COL5A3: variants seen among roughly 807,000 people sequenced by gnomAD.
COL5A3 encodes the protein collagen alpha-3(V) chain.
COL5A3 carries 172 observed loss-of-function variants against 250.0 expected under a neutral mutation model. That is an observed-to-expected ratio of 0.69 (90% CI 0.61 to 0.78). The LOEUF is 0.78. Among genes scored for constraint, COL5A3 ranks in the 30% least tolerant of loss-of-function variants. The pLI, the probability that COL5A3 is intolerant of heterozygous loss-of-function variation, is 0.00. For missense variants in COL5A3, 2,340 were observed against 2,334.4 expected (o/e 1.00, Z -0.05); for synonymous variants, 937 against 900.4 (o/e 1.04, Z -0.73).
Position 10,010,350 on chromosome 19 carries a change from G to C in COL5A3, c.36C>G (p.Ala12=), listed in dbSNP as rs1194331140. 2.7e-6 allele frequency: 4 copies of C among 1,467,508 alleles called. No homozygotes were observed. Among genetic ancestry groups the C allele is most frequent in the East Asian group, 3.0e-5 (1 of 33,764 alleles). 90.9% of individuals were successfully genotyped at this position (1,467,508 alleles called of 1,614,324 possible). Residue 12 remains alanine (A), a synonymous_variant, in exon 1 of 67, where the codon GCC becomes GCG. Transcript: ENST00000264828. ...GNRRDLGQPR[A]GLCLLLAALQ... is the part of the protein sequence containing the mutation. ...GCGCGGCCAGGAGCAGGCAGAGACCGGCCCGCGGCTGGCCCAGGTCCCGGC... is the reference window on the plus strand; with the variant it reads ...GCGCGGCCAGGAGCAGGCAGAGACCCGCCCGCGGCTGGCCCAGGTCCCGGC...
In COL5A3 at chr19:9,997,980, T is replaced by G; in HGVS notation, c.1200+4A>C. 6.2e-7 allele frequency: 1 copy of G among 1,614,020 alleles called. No individual in the cohort carries two copies. Among genetic ancestry groups the G allele is most frequent in the Non-Finnish European group, 8.5e-7 (1 of 1,179,996 alleles). On this transcript the variant is annotated splice_donor_region_variant and intron_variant, in intron 10 of 66. Coordinates refer to ENST00000264828, the MANE Select transcript of COL5A3 (RefSeq NM_015719.4). The stretch of plus-strand genomic sequence containing the variant: ...TGGAAGAAGGAAACACAGCCATGAC[T>G]TACTTGGGGTCCTGGGGCTCCTGGA...
At chr19:9,995,778 C>T (rs568144258) in intron 15 of COL5A3, among the ~76,000 whole-genome samples, 161 bp from the exon 16 acceptor site, 6 of 152,280 alleles carry the variant, frequency 3.9e-5, no homozygotes, top group African/African-American at 1.4e-4. Flanking sequence ...GTAGCTGAGA[C>T]AAGTGTGTGC....
intron 37 of COL5A3, 132 bp from the exon 38 acceptor site, chr19:9,979,549 G>A: frequency 1.1e-6 from 1 of 945,816 alleles, no homozygotes. Flanking sequence ...CAGCACTTTG[G>A]GAGGCAGAGG....
At chr19:9,996,169 G>T (rs764053530) in intron 14 of COL5A3, 37 bp downstream of exon 14, 2 of 1,554,262 alleles carry the variant, frequency 1.3e-6, no homozygotes, top group South Asian at 1.2e-5. Context: ...CTTCACTAAT[G>T]CATGCACCGC....
Position 10,006,081 on chromosome 19 carries a change from A to G in COL5A3, c.239T>C (p.Leu80Pro), listed in dbSNP as rs2145147053. The G allele has an allele frequency of 6.2e-7, 1 of 1,613,930 alleles. No individual in the cohort carries two copies. Among genetic ancestry groups the G allele is most frequent in the East Asian group, 2.2e-5 (1 of 44,864 alleles). ...CTCCTACTCCAACTCACCTGGAAAG[A>G]GTTCCCACGTGGGGATGCCGAGCGT... ...ASTLGIPTWE[L>P]FPEGHFPENF... is the part of the protein sequence containing the mutation. The change falls in exon 2 of 67, where the codon CTC (leucine) becomes CCC (proline). Residue 80 changes from leucine (L) to proline (P), a missense_variant. Leu to Pro is a moderately conservative substitution (Grantham distance 98). This residue lies in a region of COL5A3 where 1,152 missense variants were observed against 1,146.3 expected (regional missense o/e 1.00). Coordinates refer to ENST00000264828, the MANE Select transcript of COL5A3 (RefSeq NM_015719.4).
chr19:10,010,290 C>G lies in COL5A3; in HGVS notation c.88+8G>C. 7.0e-7 allele frequency: 1 copy of G among 1,434,894 alleles called. No individual in the cohort carries two copies. The highest frequency in any genetic ancestry group is 9.2e-7 in the Non-Finnish European group (1 of 1,089,170). The allele number at this position is 1,434,894 out of a possible 1,614,324, so 88.9% of individuals were successfully genotyped here. A position where few individuals can be genotyped will look rare whatever the true frequency, so the allele number is the denominator to read the frequency against. On this transcript the variant is annotated splice_region_variant and intron_variant, in intron 1 of 66. Coordinates refer to ENST00000264828, the MANE Select transcript of COL5A3 (RefSeq NM_015719.4). ...ACCCTGGGTCCCATCTCTTCCCTCC[C>G]GGCTCACCGGCCTGCGTCCCCGGCA...
At chr19:9,969,262 TAGCCTG>T in intron 57 of COL5A3, 81 bp downstream of exon 57, 3 of 1,197,612 alleles carry the variant, frequency 2.5e-6, no homozygotes, top group Non-Finnish European at 3.6e-6. Flanking sequence ...CAGTGAGGGC[TAGCCTG>T]CACCAATGCT....
intron 1 of COL5A3, among the ~76,000 whole-genome samples, chr19:10,007,991 C>T (rs550905943): frequency 6.6e-6 from 1 of 152,128 alleles, no homozygotes; most frequent in Admixed American, 6.5e-5. Flanking sequence ...CCCGCCTTCC[C>T]CAACCCATCA....
intron 20 of COL5A3, 65 bp from the exon 21 acceptor site, chr19:9,992,945 C>T (rs559357321): frequency 1.2e-5 from 19 of 1,606,986 alleles, no homozygotes; most frequent in Non-Finnish European, 1.5e-5. Context: ...TCTAGGGGTC[C>T]TATGAGTCCT....
At chr19:9,974,735 G>C (rs1448652857) in intron 45 of COL5A3, among the ~76,000 whole-genome samples, 4 of 149,088 alleles carry the variant, frequency 2.7e-5, no homozygotes, top group Non-Finnish European at 6.0e-5. Context: ...TTCAGGTCTG[G>C]GGTCAGCATT....
In COL5A3 at chr19:9,966,340, G is replaced by A; in HGVS notation, c.4756C>T (p.Leu1586Phe). Residue 1586 changes from leucine to phenylalanine, a missense_variant, in exon 64 of 67, where the codon CTC becomes TTC. Leu to Phe is a conservative substitution (Grantham distance 22). Around this residue, in one of 3 missense-constraint regions of COL5A3, gnomAD observed 1,179 missense variants for 1,162.6 expected, o/e 1.01. Coordinates refer to ENST00000264828, the MANE Select transcript of COL5A3 (RefSeq NM_015719.4). ...ATCTCAAACTTCTTGTCGGGATAGA[G>A]GCAGGTCTCTCCTCCCGCCGTGAAG... ...CNFTAGGETC[L>F]YPDKKFEIVK... The A allele has an allele frequency of 6.2e-7, 1 of 1,607,116 alleles. No individual in the cohort carries two copies. Among genetic ancestry groups the A allele is most frequent in the Non-Finnish European group, 8.5e-7 (1 of 1,176,346 alleles).
chr19:9,967,009 GGA>G (rs1406688826), intron 62 of COL5A3, among the ~76,000 whole-genome samples: 2 of 151,972 alleles, frequency 1.3e-5, no homozygotes, highest in Admixed American at 6.6e-5. Flanking sequence ...GCAGAGACAG[GGA>G]GAGAGAGCAG....
Position 10,006,159 on chromosome 19 carries a change from C to T in COL5A3, c.161G>A (p.Cys54Tyr). The T allele has an allele frequency of 6.2e-7, 1 of 1,611,542 alleles. No individual in the cohort carries two copies. The highest frequency in any genetic ancestry group is 8.5e-7 in the Non-Finnish European group (1 of 1,178,898). Residue 54 changes from cysteine to tyrosine, a missense_variant, in exon 2 of 67, where the codon TGT becomes TAT. By Grantham distance (194) the Cys-to-Tyr change is radical (BLOSUM62 -2). Transcript: ENST00000264828. Reference protein sequence around the residue: ...QAGVPEGPGFCPQRTPEGDRA... With the variant: ...QAGVPEGPGFYPQRTPEGDRA... ...GTCACCCTCTGGAGTCCTCTGGGGA[C>T]AGAAGCCAGGCCCCTCGGGGACCCC...
At position 10,009,022 on chromosome 19, in the gene COL5A3, A is replaced by G. The variant is rs1486917588; in HGVS notation, c.88+1276T>C. ...CGGTGTTTCACATTCCTGGAGTCCC[A>G]GGGGACTTATATTCAGAGTGGATGC... On this transcript the variant is annotated intron_variant, in intron 1 of 66. Transcript: ENST00000264828. The surrounding 1 kb of genome is among the most constrained non-coding windows in gnomAD (Gnocchi z 4.4). Among the ~76,000 whole-genome samples, 1 of 152,072 alleles carries G rather than the reference A, an allele frequency of 6.6e-6. No individual in the cohort carries two copies. Among genetic ancestry groups the G allele is most frequent in the African/African-American group, 2.4e-5 (1 of 41,396 alleles).
chr19:9,966,246 G>A, intron 64 of COL5A3, 68 bp downstream of exon 64: 4 of 1,160,196 alleles, frequency 3.4e-6, no homozygotes, highest in Non-Finnish European at 5.1e-6. Context: ...CAGACAAGGT[G>A]GTTGTGGGTG....
Position 9,995,616 on chromosome 19 carries a change from C to T in COL5A3, c.1535G>A (p.Gly512Asp). 1 of 1,584,096 alleles carries T rather than the reference C, an allele frequency of 6.3e-7. No homozygotes were observed. The highest frequency in any genetic ancestry group is 8.6e-7 in the Non-Finnish European group (1 of 1,165,970). The change falls in exon 16 of 67, where the codon GGT becomes GAT. Residue 512 changes from glycine to aspartate, a missense_variant and splice_region_variant. Physicochemically the swap from Gly to Asp is moderately conservative, Grantham distance 94. Coordinates refer to ENST00000264828, the MANE Select transcript of COL5A3 (RefSeq NM_015719.4). ...KGEEGAEGPQ[G>D]PRGLQGPHGP... is the part of the protein sequence containing the mutation. The stretch of plus-strand genomic sequence containing the variant: ...ATGAGGTCCCTGCAGGCCTCGGGGA[C>T]CCTAGAAGAAAGCAAAAAGGAGGAA...
At position 9,969,900 on chromosome 19, in the gene COL5A3, C is replaced by T. The variant is rs1225274769; in HGVS notation, c.3959G>A (p.Arg1320Gln). ...ACCTTTCTCCCCTTCTCTGCCTTCTCGACCCATGTGGCCTGAAGGACCCTT... is the reference window on the plus strand; with the variant it reads ...ACCTTTCTCCCCTTCTCTGCCTTCTTGACCCATGTGGCCTGAAGGACCCTT... ...GKRGPSGHMG[R>Q]EGREGEKGAK... Residue 1320 changes from arginine (R) to glutamine (Q), a missense_variant, in exon 55 of 67, where the codon CGA (arginine) becomes CAA (glutamine). Around this residue, in one of 3 missense-constraint regions of COL5A3, gnomAD observed 1,179 missense variants for 1,162.6 expected, o/e 1.01. Transcript: ENST00000264828. The T allele has an allele frequency of 2.5e-6, 4 of 1,612,508 alleles. No individual in the cohort carries two copies. The highest frequency in any genetic ancestry group is 4.5e-5 in the East Asian group (2 of 44,760).
rs145390115 is a variant in COL5A3 at position 9,974,208 on chromosome 19, G to A, written c.3467C>T (p.Pro1156Leu). The change falls in exon 47 of 67, where the codon CCG becomes CTG. Residue 1156 changes from proline (P) to leucine (L), a missense_variant. Physicochemically the swap from Pro to Leu is moderately conservative, Grantham distance 98. This residue lies in a region of COL5A3 where 1,179 missense variants were observed against 1,162.6 expected (regional missense o/e 1.01). Coordinates refer to ENST00000264828, the MANE Select transcript of COL5A3 (RefSeq NM_015719.4). The part of the protein sequence containing the change: ...PPGLQGLPGP[P>L]GEKGEVGDVG... ...GTCTCCGACCTCCCCTTTCTCTCCC[G>A]GAGGGCCTGGCAGCCCCTGTGGAAC... 2.8e-4 allele frequency: 450 copies of A among 1,613,766 alleles called. 1 individual carries two copies. The African/African-American group carries it at 4.1e-3, about 15-fold the overall frequency.
intron 21 of COL5A3, among the ~76,000 whole-genome samples, 160 bp from the exon 22 acceptor site, chr19:9,992,208 A>T (rs573384957): frequency 9.0e-4 from 137 of 151,930 alleles, no homozygotes; most frequent in Admixed American, 4.1e-3. Context: ...GGATCACCTG[A>T]GGTCGGGAGT....
Sources: allele counts gnomAD v4.1 joint callset (sites outside exome capture counted in the v4.1 genomes callset), GRCh38; gene constraint gnomAD v4.1.1; regional missense constraint gnomAD v4.1.1; non-coding constraint Gnocchi (gnomAD v3.1); transcripts MANE v1.5; gene names NCBI Gene and HGNC (gene_info 2026-07-23, HGNC 2026-07-21).